KCNC2: variants seen among roughly 807,000 people sequenced by gnomAD.
The protein encoded by KCNC2 is voltage-gated potassium channel KCNC2.
Under a neutral mutation model 44.5 loss-of-function variants are expected in KCNC2, and 21 were observed. That is an observed-to-expected ratio of 0.47 (90% CI 0.33 to 0.68). The LOEUF (loss-of-function observed/expected upper bound fraction) is 0.68, where lower values mean the gene tolerates loss of function less well. Among genes scored for constraint, KCNC2 ranks in the 30% least tolerant of loss-of-function variants. The pLI is 0.01. For missense variants in KCNC2, 589 were observed against 826.2 expected, an observed-to-expected ratio of 0.71 and a Z score of 3.52; for synonymous variants, 391 against 339.1, an observed-to-expected ratio of 1.15 and a Z score of -1.68.
At chr12:75,062,175 C>T (rs923639265) in intron 2 of KCNC2, among the ~76,000 whole-genome samples, 1 of 152,056 alleles carries the variant, frequency 6.6e-6, no homozygotes, top group Non-Finnish European at 1.5e-5. Flanking sequence ...AGCTTAGAGA[C>T]TGGAGTCAAA....
intron 2 of KCNC2, among the ~76,000 whole-genome samples, chr12:75,126,666 A>G (rs1888448630): frequency 6.6e-6 from 1 of 152,144 alleles, no homozygotes; most frequent in African/African-American, 2.4e-5. Flanking sequence ...TTCTGGCACA[A>G]AGATGAGTCT....
intron 2 of KCNC2, among the ~76,000 whole-genome samples, chr12:75,184,693 T>C (rs1173785131): frequency 6.6e-6 from 1 of 152,138 alleles, no homozygotes; most frequent in Non-Finnish European, 1.5e-5. Flanking sequence ...TAAGGAAAGG[T>C]AGGGTTCACC....
chr12:75,042,705 G>C lies in KCNC2; in HGVS notation c.*400C>G. The C allele has an allele frequency of 1.7e-6, 2 of 1,174,982 alleles. No homozygotes were observed. Among genetic ancestry groups the C allele is most frequent in the Non-Finnish European group, 2.1e-6 (2 of 949,034 alleles). The allele number at this position is 1,174,982 out of a possible 1,614,324, so 72.8% of individuals were successfully genotyped here. A position where few individuals can be genotyped will look rare whatever the true frequency, so the allele number is the denominator to read the frequency against. ...GTCATGTCGTGTGCAATCAAGATAG[G>C]ATCCCAGACATCTTCAGAATGGTTT... On this transcript the variant is annotated 3_prime_UTR_variant, in exon 5 of 5. Transcript: ENST00000549446.
chr12:75,186,421 A>G (rs1892953794), intron 2 of KCNC2, among the ~76,000 whole-genome samples: 1 of 152,128 alleles, frequency 6.6e-6, no homozygotes, highest in Admixed American at 6.6e-5. Flanking sequence ...GCATTTTTCC[A>G]TGTTACTAAT....
chr12:75,151,368 C>T (rs542116573), intron 2 of KCNC2, among the ~76,000 whole-genome samples: 156 of 152,050 alleles, frequency 1.0e-3, no homozygotes, highest in Non-Finnish European at 1.9e-3. Context: ...GGTCTTCGTT[C>T]GGAGAATTTA....
intron 2 of KCNC2, among the ~76,000 whole-genome samples, chr12:75,109,557 C>T (rs1887059518): frequency 6.6e-6 from 1 of 152,138 alleles, no homozygotes; most frequent in African/African-American, 2.4e-5. Flanking sequence ...TTGCGCTGCA[C>T]CCCAGAAGAT....
At chr12:75,144,136 C>T (rs1019041286) in intron 2 of KCNC2, among the ~76,000 whole-genome samples, 1 of 152,090 alleles carries the variant, frequency 6.6e-6, no homozygotes, top group Non-Finnish European at 1.5e-5. Flanking sequence ...AAGATAGATT[C>T]GTCATTTGTA....
intron 2 of KCNC2, among the ~76,000 whole-genome samples, chr12:75,119,543 C>T (rs1189114224): frequency 6.6e-6 from 1 of 152,062 alleles, no homozygotes; most frequent in Non-Finnish European, 1.5e-5. Flanking sequence ...TTAACCATAA[C>T]GGGTGAAGTG....
At chr12:75,160,610 C>A (rs1229933090) in intron 2 of KCNC2, among the ~76,000 whole-genome samples, 1 of 151,764 alleles carries the variant, frequency 6.6e-6, no homozygotes, top group African/African-American at 2.4e-5. Context: ...TTATACTTGC[C>A]TTCTAAAACA....
At chr12:75,109,603 T>G (rs536245867) in intron 2 of KCNC2, among the ~76,000 whole-genome samples, 1 of 152,244 alleles carries the variant, frequency 6.6e-6, no homozygotes, top group South Asian at 2.1e-4. Context: ...GTGCAGATCG[T>G]GATCATAAGA....
chr12:75,208,243 C>T (rs1328373782), intron 1 of KCNC2, among the ~76,000 whole-genome samples: 1 of 152,062 alleles, frequency 6.6e-6, no homozygotes, highest in African/African-American at 2.4e-5. Flanking sequence ...CCTTTCATGA[C>T]ACCGTTTTCC....
chr12:75,065,247 A>T (rs1230275361), intron 2 of KCNC2, among the ~76,000 whole-genome samples: 2 of 152,088 alleles, frequency 1.3e-5, no homozygotes, highest in African/African-American at 4.8e-5. Flanking sequence ...GGATTCAATG[A>T]ATCACATAGT....
At chr12:75,100,015 G>A (rs190457276) in intron 2 of KCNC2, among the ~76,000 whole-genome samples, 19 of 147,722 alleles carry the variant, frequency 1.3e-4, no homozygotes, top group African/African-American at 4.6e-4. Flanking sequence ...TTTTAGAGAA[G>A]GCTAAGGAGG....
intron 2 of KCNC2, among the ~76,000 whole-genome samples, chr12:75,095,933 T>C (rs942096921): frequency 2.0e-5 from 3 of 151,908 alleles, no homozygotes; most frequent in South Asian, 2.1e-4. Context: ...TTATCAACCA[T>C]AGGAATGTAT....
chr12:75,114,651 T>C (rs1337065925), intron 2 of KCNC2, among the ~76,000 whole-genome samples: 1 of 152,058 alleles, frequency 6.6e-6, no homozygotes, highest in Non-Finnish European at 1.5e-5. Context: ...AAAGCCTGAG[T>C]GATGTAAGGA....
chr12:75,069,954 T>G (rs1883233966), intron 2 of KCNC2, among the ~76,000 whole-genome samples: 1 of 152,114 alleles, frequency 6.6e-6, no homozygotes, highest in African/African-American at 2.4e-5. Flanking sequence ...CAGAAACCAA[T>G]TAACAGGATC....
chr12:75,046,959 G>A (rs946745946), intron 4 of KCNC2, among the ~76,000 whole-genome samples: 1 of 151,890 alleles, frequency 6.6e-6, no homozygotes, highest in African/African-American at 2.4e-5. Flanking sequence ...CAAAGAAAAA[G>A]AGATTCACAA....
In KCNC2 at chr12:75,202,893, C is replaced by T. The variant is rs190923125; in HGVS notation, c.687+4404G>A. Among the ~76,000 whole-genome samples the T allele has an allele frequency of 3.1e-4, 47 of 149,428 alleles. 1 individual carries two copies. Among genetic ancestry groups the T allele is most frequent in the Non-Finnish European group, 5.5e-4 (37 of 67,286 alleles). On this transcript the variant is annotated intron_variant, in intron 2 of 4. Coordinates refer to ENST00000549446, the MANE Select transcript of KCNC2 (RefSeq NM_139137.4). ...TTTAATAGATAATGCCTTTAGGAAA[C>T]GTTTTATTACAAATAGAGAGGTGAG...
intron 2 of KCNC2, among the ~76,000 whole-genome samples, chr12:75,080,041 G>A (rs1473195913): frequency 6.6e-6 from 1 of 152,066 alleles, no homozygotes; most frequent in Admixed American, 6.6e-5. Flanking sequence ...TGGTCTTTCA[G>A]TGAAGACTTT....
Sources: gnomAD v4.1 joint callset for allele counts (sites outside exome capture counted in the v4.1 genomes callset) on GRCh38, gnomAD v4.1.1 for gene constraint, MANE v1.5 for transcripts, NCBI Gene and HGNC (gene_info 2026-07-23, HGNC 2026-07-21) for gene names.